The following CTNND2 variants were observed in gnomAD, a reference collection of about 807,000 sequenced individuals.
CTNND2 encodes the protein catenin delta 2.
In CTNND2, 22 loss-of-function variants were observed where a neutral mutation model predicts 144.4. The ratio of observed to expected loss-of-function variants is 0.15; its 90% CI spans 0.11 to 0.22. The LOEUF (loss-of-function observed/expected upper bound fraction) is 0.22. Ranked by LOEUF, CTNND2 falls within the 10% of genes least tolerant of loss-of-function variation. The probability of loss-of-function intolerance (pLI) is 1.00; values close to 1 mark genes in which losing one functional copy is unlikely to be tolerated. For synonymous variants in CTNND2, 751 were observed against 695.6 expected (o/e 1.08, Z -1.25); for missense variants, 1,353 against 1,618.8 (o/e 0.84, Z 2.82).
At chr5:10,979,569 A>AC (rs1270432092) in intron 21 of CTNND2, among the ~76,000 whole-genome samples, 1 of 152,248 alleles carries the variant, frequency 6.6e-6, no homozygotes, top group African/African-American at 2.4e-5. Flanking sequence ...ACGAGGGGGA[A>AC]CAACTGTGTC....
At chr5:11,265,754 G>A (rs1433525317) in intron 9 of CTNND2, among the ~76,000 whole-genome samples, 1 of 136,072 alleles carries the variant, frequency 7.3e-6, no homozygotes, top group African/African-American at 2.8e-5. Context: ...AGCCCAGGCT[G>A]GAATGCAGTG....
At chr5:11,840,281 C>T (rs936960401) in intron 1 of CTNND2, among the ~76,000 whole-genome samples, 1 of 152,156 alleles carries the variant, frequency 6.6e-6, no homozygotes, top group African/African-American at 2.4e-5. Context: ...ATCAAAGATG[C>T]TTAAAGTAGC....
chr5:11,256,060 C>G (rs1744207914), intron 9 of CTNND2, among the ~76,000 whole-genome samples: 1 of 152,200 alleles, frequency 6.6e-6, no homozygotes, highest in Admixed American at 6.5e-5. Context: ...CTCCTTGTGC[C>G]TGTGTGCTCT....
At chr5:11,396,359 C>T (rs937552776) in intron 6 of CTNND2, among the ~76,000 whole-genome samples, 1 of 151,882 alleles carries the variant, frequency 6.6e-6, no homozygotes, top group African/African-American at 2.4e-5. Flanking sequence ...TAAATAACAA[C>T]ATTTACATCT....
chr5:11,045,979 C>T (rs1745203094), intron 16 of CTNND2, among the ~76,000 whole-genome samples: 1 of 152,110 alleles, frequency 6.6e-6, no homozygotes. Flanking sequence ...AGTGGCTGGT[C>T]CCCTGTCTGT....
At chr5:11,550,047 G>T (rs1252808941) in intron 3 of CTNND2, among the ~76,000 whole-genome samples, 1 of 152,124 alleles carries the variant, frequency 6.6e-6, no homozygotes, top group Non-Finnish European at 1.5e-5. Context: ...TATTTAAGAA[G>T]AGAAAGAGCC....
At chr5:11,058,516 T>C (rs984475972) in intron 16 of CTNND2, among the ~76,000 whole-genome samples, 14 of 152,086 alleles carry the variant, frequency 9.2e-5, no homozygotes, top group Admixed American at 5.2e-4. Flanking sequence ...AGAAGATGCA[T>C]GGAAACGCCT....
At chr5:11,438,902 G>A (rs766856524) in intron 3 of CTNND2, among the ~76,000 whole-genome samples, 9 of 151,824 alleles carry the variant, frequency 5.9e-5, no homozygotes, top group South Asian at 2.1e-4. Flanking sequence ...TATCCCTTTC[G>A]CCAGGGCAAG....
At chr5:11,061,986 G>A (rs1747041228) in intron 16 of CTNND2, among the ~76,000 whole-genome samples, 1 of 152,210 alleles carries the variant, frequency 6.6e-6, no homozygotes, top group African/African-American at 2.4e-5. Context: ...TGAGATTACA[G>A]GCGTGAGCCA....
intron 1 of CTNND2, among the ~76,000 whole-genome samples, chr5:11,819,465 CTT>C (rs1264815372): frequency 6.6e-6 from 1 of 150,548 alleles, no homozygotes; most frequent in Non-Finnish European, 1.5e-5. Context: ...AGACAGACCT[CTT>C]TTTATTTTCT....
chr5:11,844,028 T>G (rs1359949571), intron 1 of CTNND2, among the ~76,000 whole-genome samples: 1 of 152,184 alleles, frequency 6.6e-6, no homozygotes, highest in Non-Finnish European at 1.5e-5. Flanking sequence ...GAGTCCCAGT[T>G]GTCATCAAGC....
intron 16 of CTNND2, among the ~76,000 whole-genome samples, chr5:11,037,371 A>G (rs2149561499): frequency 6.6e-6 from 1 of 152,332 alleles, no homozygotes; most frequent in African/African-American, 2.4e-5. Flanking sequence ...GCTGGAAGAA[A>G]CATCACAACA....
chr5:11,658,295 C>T (rs946054738), intron 2 of CTNND2, among the ~76,000 whole-genome samples: 1 of 151,960 alleles, frequency 6.6e-6, no homozygotes, highest in African/African-American at 2.4e-5. Context: ...ACATAAACCT[C>T]GTCCAAGTAA....
At chr5:11,423,866 C>T (rs917170530) in intron 3 of CTNND2, among the ~76,000 whole-genome samples, 8 of 152,028 alleles carry the variant, frequency 5.3e-5, no homozygotes, top group Middle Eastern at 3.2e-3. Context: ...TAACCATTGC[C>T]GATTTCACAA....
chr5:11,454,645 G>A (rs189455084), intron 3 of CTNND2, among the ~76,000 whole-genome samples: 184 of 151,242 alleles, frequency 1.2e-3, no homozygotes, highest in Admixed American at 3.0e-3. Flanking sequence ...TGCCCAGGCT[G>A]CAGTGCAGTG....
chr5:11,446,841 T>C (rs941925033), intron 3 of CTNND2, among the ~76,000 whole-genome samples: 2 of 152,118 alleles, frequency 1.3e-5, no homozygotes, highest in East Asian at 3.9e-4. Flanking sequence ...GATAAAAGTT[T>C]CTCAAAGATG....
At chr5:11,587,692 T>C (rs1778964363) in intron 2 of CTNND2, among the ~76,000 whole-genome samples, 1 of 152,152 alleles carries the variant, frequency 6.6e-6, no homozygotes, top group Non-Finnish European at 1.5e-5. Context: ...ATTATTCATT[T>C]GAAAATACTT....
chr5:11,450,990 C>T (rs1264946121), intron 3 of CTNND2, among the ~76,000 whole-genome samples: 1 of 150,068 alleles, frequency 6.7e-6, no homozygotes, highest in Non-Finnish European at 1.5e-5. Context: ...TATGTTCAAT[C>T]ATTTATCAAT....
chr5:11,170,500 T>C (rs1287784870), intron 11 of CTNND2, among the ~76,000 whole-genome samples: 1 of 152,176 alleles, frequency 6.6e-6, no homozygotes, highest in Non-Finnish European at 1.5e-5. Context: ...ACTTTCAGCT[T>C]TGAAACTACT....
Sources: allele counts gnomAD v4.1 joint callset (sites outside exome capture counted in the v4.1 genomes callset), GRCh38; gene constraint gnomAD v4.1.1; transcripts MANE v1.5; gene names NCBI Gene and HGNC (gene_info 2026-07-23, HGNC 2026-07-21).